Variants in FGD4 observed in about 807,000 individuals in gnomAD.
The protein encoded by FGD4 is FYVE, RhoGEF and PH domain-containing protein 4.
FGD4 carries 42 observed loss-of-function variants against 102.0 expected under a neutral mutation model. The observed-to-expected ratio is 0.41, with a 90% CI of 0.32 to 0.53. FGD4 has a LOEUF of 0.53. Ranked by LOEUF, FGD4 falls within the 20% of genes least tolerant of loss-of-function variation. The probability of loss-of-function intolerance (pLI) is 0.21; values close to 1 mark genes in which losing one functional copy is unlikely to be tolerated. For missense variants in FGD4, 902 were observed against 1,078.2 expected (o/e 0.84, Z 2.29); for synonymous variants, 380 against 375.7 (o/e 1.01, Z -0.13).
At chr12:32,420,379 T>A (rs1270362765) in intron 1 of FGD4, among the ~76,000 whole-genome samples, 1 of 152,164 alleles carries the variant, frequency 6.6e-6, no homozygotes, top group Non-Finnish European at 1.5e-5. Flanking sequence ...TCCCTTTCAA[T>A]CCCTCTGGCT....
intron 1 of FGD4, among the ~76,000 whole-genome samples, chr12:32,412,581 C>T (rs1395962121): frequency 2.6e-5 from 4 of 152,032 alleles, no homozygotes; most frequent in African/African-American, 9.7e-5. Context: ...GTTCAGGACC[C>T]GGCTGGGCAA....
At position 32,512,912 on chromosome 12, in the gene FGD4, A is replaced by G. The variant is rs554450679; in HGVS notation, c.167-51225A>G. ...GGCATGGTATCTGCATAAAATTTCT[A>G]GTGGAGAATAGATGAAATGGAGTCT... On this transcript the variant is annotated intron_variant, in intron 1 of 16. Transcript: ENST00000534526. Among the ~76,000 whole-genome samples, 310 of 152,268 alleles carry G rather than the reference A, an allele frequency of 2.0e-3. 3 individuals are homozygous for G. Among genetic ancestry groups the G allele is most frequent in the African/African-American group, 7.2e-3 (299 of 41,572 alleles).
chr12:32,497,354 C>G (rs1238302967), intron 1 of FGD4, among the ~76,000 whole-genome samples: 4 of 152,114 alleles, frequency 2.6e-5, no homozygotes, highest in Admixed American at 2.6e-4. Flanking sequence ...AAATCACTTT[C>G]ATGAAACGAA....
chr12:32,624,826 ATTG>A, intron 12 of FGD4, 147 bp from the exon 13 acceptor site: 1 of 716,538 alleles, frequency 1.4e-6, no homozygotes, highest in Non-Finnish European at 2.5e-6. Context: ...ATGTGCATAT[ATTG>A]TTGTGTGTGT....
chr12:32,560,494 G>C (rs958364594), intron 1 of FGD4, among the ~76,000 whole-genome samples: 1 of 152,152 alleles, frequency 6.6e-6, no homozygotes, highest in Non-Finnish European at 1.5e-5. Flanking sequence ...GGGCTTAAGT[G>C]ATCTGCCTGC....
intron 1 of FGD4, among the ~76,000 whole-genome samples, chr12:32,423,483 T>A (rs1424069053): frequency 4.6e-5 from 7 of 151,168 alleles, no homozygotes; most frequent in Non-Finnish European, 1.0e-4. Context: ...TCCCAGCTAC[T>A]TGGGAGGCCG....
rs951183824 is a variant in FGD4 at position 32,506,090 on chromosome 12, A to G, written c.167-58047A>G. On this transcript the variant is annotated intron_variant, in intron 1 of 16. Transcript: ENST00000534526. This position sits in a 1 kb window ranked among gnomAD's most constrained non-coding sequence, Gnocchi z 4.5. ...GTCAGGAAACCTGTGAGTTACAGAA[A>G]CAGCTAATGTTGGGCATTGCATGTT... Among the ~76,000 whole-genome samples, 1 of 152,208 alleles carries G rather than the reference A, an allele frequency of 6.6e-6. No homozygotes were observed. Among genetic ancestry groups the G allele is most frequent in the African/African-American group, 2.4e-5 (1 of 41,442 alleles).
chr12:32,579,039 GTTT>G (rs35186090), intron 3 of FGD4, among the ~76,000 whole-genome samples: 2 of 66,126 alleles, frequency 3.0e-5, no homozygotes, highest in Non-Finnish European at 5.2e-5. Flanking sequence ...AACATTAGTG[GTTT>G]TTTTTTTTTT....
chr12:32,601,626 A>G lies in FGD4; in HGVS notation c.1247+203A>G, dbSNP rs527684963. 1.5e-3 allele frequency among the ~76,000 whole-genome samples: 236 copies of G among 152,356 alleles called. 1 individual carries two copies. The highest frequency in any genetic ancestry group is 3.1e-3 in the Non-Finnish European group (213 of 68,036). On this transcript the variant is annotated intron_variant, in intron 6 of 16. Coordinates refer to ENST00000534526, the MANE Select transcript of FGD4 (RefSeq NM_001370298.3). ...ATCATTTAGCTAGTGAAGACAAGAT[A>G]TCGGGTAATGTGGAGCTTCAAGAAT...
chr12:32,642,314 G>A lies in FGD4; in HGVS notation c.*1781G>A, dbSNP rs886049264. On this transcript the variant is annotated 3_prime_UTR_variant, in exon 17 of 17. Coordinates refer to ENST00000534526, the MANE Select transcript of FGD4 (RefSeq NM_001370298.3). ...ATGGCCAGCGGGGTATGTGTGTGAT[G>A]TATACTCAGAGTGGTTTTTTGGAAA... 4 of 152,064 alleles carry A rather than the reference G, an allele frequency of 2.6e-5. No homozygotes were observed. The highest frequency in any genetic ancestry group is 5.9e-5 in the Non-Finnish European group (4 of 67,952). 9.4% of individuals were successfully genotyped at this position (152,064 alleles called of 1,614,324 possible). A position where few individuals can be genotyped will look rare whatever the true frequency, so the allele number is the denominator to read the frequency against.
intron 1 of FGD4, among the ~76,000 whole-genome samples, chr12:32,496,542 A>G (rs1175735168): frequency 6.6e-6 from 1 of 152,228 alleles, no homozygotes; most frequent in African/African-American, 2.4e-5. Context: ...GGAGTTTAGA[A>G]TGGAACTTTG....
intron 1 of FGD4, among the ~76,000 whole-genome samples, chr12:32,523,685 T>G (rs1940783793): frequency 6.6e-6 from 1 of 152,226 alleles, no homozygotes; most frequent in Non-Finnish European, 1.5e-5. Context: ...AGAAAATACA[T>G]AGCTCTGGGC....
intron 1 of FGD4, among the ~76,000 whole-genome samples, chr12:32,533,484 G>A (rs564239874): frequency 7.2e-5 from 11 of 152,186 alleles, no homozygotes; most frequent in South Asian, 6.2e-4. Context: ...GGAGTGCAGC[G>A]GCGCAATCTC....
intron 15 of FGD4, among the ~76,000 whole-genome samples, chr12:32,637,335 G>A (rs991675226): frequency 1.3e-5 from 2 of 151,816 alleles, no homozygotes; most frequent in African/African-American, 2.4e-5. Context: ...GGTGGCTCAC[G>A]CCTGTAATCC....
At chr12:32,452,485 A>T (rs1315773444) in intron 1 of FGD4, among the ~76,000 whole-genome samples, 1 of 152,258 alleles carries the variant, frequency 6.6e-6, no homozygotes. Context: ...AGAAGTGATT[A>T]ATCTGAGTGT....
chr12:32,598,445 A>T, intron 4 of FGD4, 52 bp from the exon 5 acceptor site: 1 of 1,268,618 alleles, frequency 7.9e-7, no homozygotes, highest in South Asian at 1.3e-5. Flanking sequence ...TTACTTTAGA[A>T]ATATTGTCCA....
In FGD4 at chr12:32,505,944, A is replaced by T. The variant is rs532659916; in HGVS notation, c.167-58193A>T. Among the ~76,000 whole-genome samples the T allele has an allele frequency of 2.0e-5, 3 of 152,322 alleles. No homozygotes were observed. In the South Asian group the frequency reaches 6.2e-4, roughly 32 times the overall value. On this transcript the variant is annotated intron_variant, in intron 1 of 16. Coordinates refer to ENST00000534526, the MANE Select transcript of FGD4 (RefSeq NM_001370298.3). ...GTATATTTTTAGATTCCTGTTATACATCCCTAGATGTTTATTTTCACATAA... is the reference window on the plus strand; with the variant it reads ...GTATATTTTTAGATTCCTGTTATACTTCCCTAGATGTTTATTTTCACATAA...
chr12:32,463,466 T>C (rs1024677898), intron 1 of FGD4, among the ~76,000 whole-genome samples: 8 of 152,248 alleles, frequency 5.3e-5, no homozygotes, highest in Non-Finnish European at 8.8e-5. Context: ...CAGTTTTCAT[T>C]GTTTAAAGGT....
At position 32,624,434 on chromosome 12, in the gene FGD4, C is replaced by G; in HGVS notation, c.1935C>G (p.Asp645Glu). 1 of 1,601,420 alleles carries G rather than the reference C, an allele frequency of 6.2e-7. No individual in the cohort carries two copies. Among genetic ancestry groups the G allele is most frequent in the Non-Finnish European group, 8.5e-7 (1 of 1,170,472 alleles). Residue 645 changes from aspartate (D) to glutamate (E), a missense_variant, in exon 12 of 17, where the codon GAC (aspartate) becomes GAG (glutamate). By Grantham distance (45) the Asp-to-Glu change is conservative. Coordinates refer to ENST00000534526, the MANE Select transcript of FGD4 (RefSeq NM_001370298.3). The part of the protein sequence containing the change: ...TLELQASSAQ[D>E]KEEWIKALQE... ...TGTTTTATTTTAGTTCTGCGCAAGA[C>G]AAAGAAGAATGGATCAAGGTAAGCC...
Sources: gnomAD v4.1 joint callset for allele counts (sites outside exome capture counted in the v4.1 genomes callset) on GRCh38, gnomAD v4.1.1 for gene constraint, Gnocchi (gnomAD v3.1) non-coding constraint, MANE v1.5 for transcripts, NCBI Gene and HGNC (gene_info 2026-07-23, HGNC 2026-07-21) for gene names.